Variants in CELF2 observed in about 807,000 individuals in gnomAD.
The protein encoded by CELF2 is CUGBP Elav-like family member 2, also known as CUG triplet repeat RNA-binding protein 2.
Under a neutral mutation model 62.6 loss-of-function variants are expected in CELF2, and 8 were observed. The observed-to-expected ratio is 0.13, with a 90% CI of 0.07 to 0.23. The LOEUF (loss-of-function observed/expected upper bound fraction) is 0.23. CELF2 is among the 10% of genes least tolerant of loss of function. The pLI, the probability that CELF2 is intolerant of heterozygous loss-of-function variation, is 1.00. For missense variants in CELF2, 333 were observed against 671.0 expected, an observed-to-expected ratio of 0.50 and a Z score of 5.56; for synonymous variants, 258 against 250.0, an observed-to-expected ratio of 1.03 and a Z score of -0.30.
In CELF2 at chr10:11,280,461, G is replaced by A. The variant is rs191063150; in HGVS notation, c.841+5341G>A. On this transcript the variant is annotated intron_variant, in intron 8 of 12. Transcript: ENST00000633077. This position sits in a 1 kb window ranked among gnomAD's most constrained non-coding sequence, Gnocchi z 7.6. Reference sequence around the variant, plus strand: ...ATAGGAGGGGAAGGCAGGCAGGTGCGATGTCCACGTTCCGGGTGATGGCGC... The same window carrying A: ...ATAGGAGGGGAAGGCAGGCAGGTGCAATGTCCACGTTCCGGGTGATGGCGC... Among the ~76,000 whole-genome samples the A allele has an allele frequency of 7.2e-4, 109 of 152,334 alleles. No individual in the cohort carries two copies. The highest frequency in any genetic ancestry group is 3.4e-3 in the Middle Eastern group (1 of 294).
chr10:10,537,433 T>C, the CELF2 span, among the ~76,000 whole-genome samples: 1 of 152,212 alleles, frequency 6.6e-6, no homozygotes, highest in African/African-American at 2.4e-5. Context: ...GTTTCTAGCA[T>C]TTGTTGGGCC....
intron 1 of CELF2, among the ~76,000 whole-genome samples, chr10:11,147,675 G>T (rs899773446): frequency 5.9e-5 from 9 of 152,168 alleles, no homozygotes; most frequent in Admixed American, 1.3e-4. Flanking sequence ...AAGGCAAGTG[G>T]ATTCCTCTTG....
chr10:10,813,257 T>G (rs752276817), intron 1 of CELF2, among the ~76,000 whole-genome samples: 1 of 152,214 alleles, frequency 6.6e-6, no homozygotes, highest in African/African-American at 2.4e-5. Context: ...AGACTGACAT[T>G]AGCGATTTTA....
the CELF2 span, among the ~76,000 whole-genome samples, chr10:10,590,652 G>T: frequency 2.6e-5 from 4 of 152,136 alleles, no homozygotes; most frequent in Non-Finnish European, 2.9e-5. Context: ...AGCCCAACAG[G>T]TCTGCCTTCC....
rs969432603 is a variant in CELF2, at chr10:11,290,942, T to A, written c.976+2390T>A. Among the ~76,000 whole-genome samples, 2 of 152,272 alleles carry A rather than the reference T, an allele frequency of 1.3e-5. No homozygotes were observed. The highest frequency in any genetic ancestry group is 2.4e-5 in the African/African-American group (1 of 41,480). ...TTTAAGTGAAAGTAAATTATTTGTC[T>A]AATTTCCATCAGGGACTTTTTGAAA... is the stretch of plus-strand genomic sequence containing the variant. On this transcript the variant is annotated intron_variant, in intron 9 of 12. Coordinates refer to ENST00000633077, the MANE Select transcript of CELF2 (RefSeq NM_001326342.2). The surrounding 1 kb of genome is among the most constrained non-coding windows in gnomAD (Gnocchi z 4.3).
the CELF2 span, among the ~76,000 whole-genome samples, chr10:10,638,732 G>A: frequency 2.6e-5 from 4 of 152,156 alleles, no homozygotes; most frequent in African/African-American, 7.2e-5. Flanking sequence ...TCAGGGCAAG[G>A]CAATAACTGT....
chr10:10,690,282 T>C, the CELF2 span, among the ~76,000 whole-genome samples: 3 of 152,208 alleles, frequency 2.0e-5, no homozygotes, highest in African/African-American at 7.2e-5. Context: ...TAGCATACGA[T>C]GTCCTCCAGA....
chr10:10,908,214 A>ATTTTTTTTTTTTTTTT lies in CELF2; in HGVS notation c.54-11742_54-11727dup, dbSNP rs796857171. 8.4e-5 allele frequency among the ~76,000 whole-genome samples: 7 copies of ATTTTTTTTTTTTTTTT among 83,738 alleles called. 3 individuals are homozygous for ATTTTTTTTTTTTTTTT. The highest frequency in any genetic ancestry group is 9.7e-5 in the African/African-American group (2 of 20,638). The allele number at this position is 83,738 out of a possible 152,430, so 54.9% of individuals were successfully genotyped here. A position where few individuals can be genotyped will look rare whatever the true frequency, so the allele number is the denominator to read the frequency against. Reference sequence around the variant, plus strand: ...TCCTTGTCAAAGAATGTATGAGGGGATTTTTTTTTTTTTTTTTTTTTTTGA... The same window carrying ATTTTTTTTTTTTTTTT: ...TCCTTGTCAAAGAATGTATGAGGGGATTTTTTTTTTTTTTTTTTTTTTTTTTTTTTTTTTTTTTTGA... On this transcript the variant is annotated intron_variant, in intron 1 of 13. Coordinates refer to the CELF2 transcript ENST00000636488.
intron 1 of CELF2, among the ~76,000 whole-genome samples, chr10:11,035,708 G>T (rs1337120632): frequency 6.6e-6 from 1 of 152,160 alleles, no homozygotes; most frequent in East Asian, 1.9e-4. Context: ...GTTTGAAATT[G>T]GTTTCCTGAT....
chr10:10,924,633 T>A (rs951058526), intron 2 of CELF2, among the ~76,000 whole-genome samples: 1 of 150,732 alleles, frequency 6.6e-6, no homozygotes, highest in Non-Finnish European at 1.5e-5. Context: ...GATTTTAGTA[T>A]AAACCAGTGA....
At chr10:10,525,203 C>T in the CELF2 span, among the ~76,000 whole-genome samples, 1 of 152,134 alleles carries the variant, frequency 6.6e-6, no homozygotes, top group Non-Finnish European at 1.5e-5. Flanking sequence ...ACTGCAGTCA[C>T]CACGCCATAC....
chr10:10,711,720 A>G, the CELF2 span, among the ~76,000 whole-genome samples: 10 of 152,086 alleles, frequency 6.6e-5, no homozygotes, highest in African/African-American at 2.4e-4. Flanking sequence ...CGTCTCTACT[A>G]AAAATACAAA....
the CELF2 span, among the ~76,000 whole-genome samples, chr10:10,578,010 C>T: frequency 6.6e-6 from 1 of 152,220 alleles, no homozygotes; most frequent in Non-Finnish European, 1.5e-5. Context: ...TCCACATCCT[C>T]TCCAACACCT....
chr10:11,180,161 C>A (rs1392493897), intron 2 of CELF2, among the ~76,000 whole-genome samples: 1 of 152,156 alleles, frequency 6.6e-6, no homozygotes, highest in Non-Finnish European at 1.5e-5. Context: ...TGGTTCTGTG[C>A]GTTTCCTGGT....
At chr10:10,554,339 C>A in the CELF2 span, among the ~76,000 whole-genome samples, 2 of 152,194 alleles carry the variant, frequency 1.3e-5, no homozygotes, top group South Asian at 2.1e-4. Flanking sequence ...AGAGAGCATG[C>A]GTTCCTGAGC....
At chr10:10,641,395 GT>G in the CELF2 span, among the ~76,000 whole-genome samples, 1 of 152,016 alleles carries the variant, frequency 6.6e-6, no homozygotes. Context: ...ACTAAGTATT[GT>G]TTTTCTTCCC....
intron 2 of CELF2, among the ~76,000 whole-genome samples, chr10:11,206,586 C>T (rs10905918): frequency 0.39 from 59,707 of 152,054 alleles, 14,451 homozygotes; most frequent in Non-Finnish European, 0.55. Flanking sequence ...CACTGGTCTC[C>T]ACCTCACCAT....
chr10:10,874,243 A>G (rs2060943641), intron 1 of CELF2, among the ~76,000 whole-genome samples: 1 of 152,148 alleles, frequency 6.6e-6, no homozygotes, highest in Non-Finnish European at 1.5e-5. Context: ...GCTTGAGCCT[A>G]GGAGTTCAAG....
At chr10:11,283,610 T>C (rs2089786038) in intron 8 of CELF2, among the ~76,000 whole-genome samples, 3 of 142,030 alleles carry the variant, frequency 2.1e-5, no homozygotes, top group South Asian at 2.2e-4. Flanking sequence ...GGATGGGGGC[T>C]GAATGATGGA....
Sources: gnomAD v4.1 joint callset for allele counts (sites outside exome capture counted in the v4.1 genomes callset) on GRCh38, gnomAD v4.1.1 for gene constraint, Gnocchi (gnomAD v3.1) non-coding constraint, MANE v1.5 for transcripts, NCBI Gene and HGNC (gene_info 2026-07-23, HGNC 2026-07-21) for gene names.